The following PIGL variants were observed in gnomAD, a reference collection of about 807,000 sequenced individuals.
The protein encoded by PIGL is N-acetylglucosaminyl-phosphatidylinositol de-N-acetylase.
Under a neutral mutation model 31.1 loss-of-function variants are expected in PIGL, and 22 were observed. The ratio of observed to expected loss-of-function variants is 0.71; its 90% CI spans 0.51 to 1.01. PIGL has a LOEUF of 1.01. Among genes scored for constraint, PIGL ranks in the 50% least tolerant of loss-of-function variants. The pLI, the probability that PIGL is intolerant of heterozygous loss-of-function variation, is 0.00. For missense variants in PIGL, 302 were observed against 315.9 expected (o/e 0.96, Z 0.33); for synonymous variants, 131 against 117.4 (o/e 1.12, Z -0.75).
chr17:16,283,397 G>A (rs1241371312), intron 2 of PIGL, among the ~76,000 whole-genome samples: 5 of 152,230 alleles, frequency 3.3e-5, no homozygotes, highest in African/African-American at 1.2e-4. Flanking sequence ...GATCCTAGGA[G>A]GTTGAGGCTG....
chr17:16,254,440 G>C (rs2092785262), intron 2 of PIGL, among the ~76,000 whole-genome samples: 1 of 151,142 alleles, frequency 6.6e-6, no homozygotes, highest in Non-Finnish European at 1.5e-5. Context: ...GGCTAATTTT[G>C]TATTTTTAGT....
chr17:16,293,644 A>G (rs1316547244), intron 2 of PIGL, among the ~76,000 whole-genome samples: 1 of 152,224 alleles, frequency 6.6e-6, no homozygotes, highest in African/African-American at 2.4e-5. Context: ...TCAAGCAACT[A>G]GTGCTTGTTA....
chr17:16,264,597 G>GTCA (rs1455750155), intron 2 of PIGL, among the ~76,000 whole-genome samples: 9 of 146,020 alleles, frequency 6.2e-5, no homozygotes, highest in African/African-American at 2.3e-4. Context: ...CAAACACATC[G>GTCA]TCATTATTAT....
In PIGL at chr17:16,252,602, T is replaced by TA. The variant is rs2092777473; in HGVS notation, c.335+18536dup. ...TATATAATTATATGTATATAATTTT[T>TA]AAAACATATATATAATTTAAAAGAC... is the stretch of plus-strand genomic sequence containing the variant. On this transcript the variant is annotated intron_variant, in intron 2 of 6. Transcript: ENST00000225609. Among the ~76,000 whole-genome samples the TA allele has an allele frequency of 5.3e-5, 8 of 149,882 alleles. No homozygotes were observed. In the South Asian group the frequency reaches 1.7e-3, roughly 31 times the overall value.
intron 2 of PIGL, among the ~76,000 whole-genome samples, chr17:16,258,828 A>G (rs904653052): frequency 6.6e-6 from 1 of 152,286 alleles, no homozygotes; most frequent in South Asian, 2.1e-4. Context: ...TTATTAACCA[A>G]AATGAATTTA....
intron 4 of PIGL, among the ~76,000 whole-genome samples, 173 bp downstream of exon 4, chr17:16,313,787 C>T (rs1041976985): frequency 6.6e-5 from 10 of 152,210 alleles, no homozygotes; most frequent in Non-Finnish European, 1.5e-4. Flanking sequence ...CATGTCCTCT[C>T]GCTGAGAAAT....
intron 2 of PIGL, among the ~76,000 whole-genome samples, chr17:16,255,657 AAAAC>A (rs1340760973): frequency 2.6e-5 from 4 of 152,094 alleles, no homozygotes; most frequent in African/African-American, 4.8e-5. Context: ...CCCTTACAAA[AAAAC>A]AAAAAAGACC....
intron 1 of PIGL, among the ~76,000 whole-genome samples, chr17:16,228,024 A>G (rs1384629775): frequency 1.3e-5 from 2 of 151,194 alleles, no homozygotes; most frequent in Non-Finnish European, 3.0e-5. Context: ...GGTAAGACAT[A>G]CATAACAAGA....
chr17:16,218,888 A>G lies in PIGL; in HGVS notation c.235+1427A>G, dbSNP rs911381939. Among the ~76,000 whole-genome samples the G allele has an allele frequency of 4.0e-5, 6 of 151,882 alleles. No individual in the cohort carries two copies. In the East Asian group the frequency reaches 1.2e-3, roughly 29 times the overall value. On this transcript the variant is annotated intron_variant, in intron 1 of 6. Coordinates refer to ENST00000225609, the MANE Select transcript of PIGL (RefSeq NM_004278.4). ...GAGATGAGGTTTCACCATGTTAGCC[A>G]GGCTGGTCTCAAACTCCTGACCTCT...
intron 2 of PIGL, 66 bp downstream of exon 2, chr17:16,234,136 C>A: frequency 1.1e-6 from 1 of 930,802 alleles, no homozygotes; most frequent in South Asian, 1.4e-5. Flanking sequence ...ACTCAAAAGA[C>A]ACACAAAAAA....
At chr17:16,291,806 A>G (rs1270028216) in intron 2 of PIGL, among the ~76,000 whole-genome samples, 1 of 151,414 alleles carries the variant, frequency 6.6e-6, no homozygotes, top group Admixed American at 6.6e-5. Flanking sequence ...CGGAGGTTGC[A>G]GTGAGCTGAG....
intron 3 of PIGL, among the ~76,000 whole-genome samples, chr17:16,308,480 A>G (rs2093035326): frequency 6.6e-6 from 1 of 152,136 alleles, no homozygotes; most frequent in South Asian, 2.1e-4. Context: ...AGTACCCAAT[A>G]TGGGACATTC....
chr17:16,279,696 G>C (rs1201299592), intron 2 of PIGL: 2 of 152,216 alleles, frequency 1.3e-5, no homozygotes, highest in Non-Finnish European at 2.9e-5. Context: ...CAGAGGCACA[G>C]GGACCTCAAC....
intron 2 of PIGL, chr17:16,279,518 G>T (rs750606758): frequency 6.6e-6 from 1 of 152,158 alleles, no homozygotes; most frequent in Non-Finnish European, 1.5e-5. Context: ...ACAGATTTAT[G>T]CATATTTCTA....
At chr17:16,286,399 G>A (rs941936350) in intron 2 of PIGL, among the ~76,000 whole-genome samples, 1 of 152,200 alleles carries the variant, frequency 6.6e-6, no homozygotes, top group Non-Finnish European at 1.5e-5. Flanking sequence ...TCCCTCACCA[G>A]CACCTGGTGA....
chr17:16,231,067 C>CTTTTTTTTT (rs59390439), intron 1 of PIGL, among the ~76,000 whole-genome samples: 3 of 96,574 alleles, frequency 3.1e-5, no homozygotes, highest in Admixed American at 1.1e-4. Context: ...TTTGGTTTTT[C>CTTTTTTTTT]TTTTTTTTTT....
chr17:16,304,466 G>A (rs927157794), intron 3 of PIGL, among the ~76,000 whole-genome samples: 6 of 152,166 alleles, frequency 3.9e-5, no homozygotes, highest in Middle Eastern at 3.2e-3. Flanking sequence ...GTTTTGAAAA[G>A]TACAAAGCTG....
intron 2 of PIGL, among the ~76,000 whole-genome samples, chr17:16,256,413 C>T (rs1568801147): frequency 6.6e-6 from 1 of 152,158 alleles, no homozygotes; most frequent in African/African-American, 2.4e-5. Flanking sequence ...TCTCGGCTCA[C>T]TGCAACCTCC....
At chr17:16,292,396 T>TA (rs60665148) in intron 2 of PIGL, among the ~76,000 whole-genome samples, 206 of 146,742 alleles carry the variant, frequency 1.4e-3, no homozygotes, top group African/African-American at 3.0e-3. Flanking sequence ...TCTTTCTCTT[T>TA]AAAAAAAAAA....
Sources: gnomAD v4.1 joint callset for allele counts (sites outside exome capture counted in the v4.1 genomes callset) on GRCh38, gnomAD v4.1.1 for gene constraint, MANE v1.5 for transcripts, NCBI Gene and HGNC (gene_info 2026-07-23, HGNC 2026-07-21) for gene names.